RANBP2: variants seen among roughly 807,000 people sequenced by gnomAD.
The protein encoded by RANBP2 is E3 SUMO-protein ligase RanBP2.
In RANBP2, 57 loss-of-function variants were observed where a neutral mutation model predicts 303.6. That is an observed-to-expected ratio of 0.19 (90% CI 0.15 to 0.23). RANBP2 has a LOEUF of 0.23. RANBP2 is among the 10% of genes least tolerant of loss of function. The probability of loss-of-function intolerance (pLI) is 1.00; values close to 1 mark genes in which losing one functional copy is unlikely to be tolerated. For synonymous variants in RANBP2, 1,167 were observed against 1,301.5 expected (o/e 0.90, Z 2.23); for missense variants, 3,138 against 3,780.8 (o/e 0.83, Z 4.46).
chr2:109,448,135 A>G, the RANBP2 span, among the ~76,000 whole-genome samples: 8 of 152,198 alleles, frequency 5.3e-5, no homozygotes, highest in Non-Finnish European at 5.9e-5. Flanking sequence ...TTCGGGATCA[A>G]GAGTAACTAG....
At chr2:109,039,243 G>C in the RANBP2 span, among the ~76,000 whole-genome samples, 1 of 152,206 alleles carries the variant, frequency 6.6e-6, no homozygotes, top group Non-Finnish European at 1.5e-5. Flanking sequence ...GTGGATTTCA[G>C]ACTTGTCAGT....
chr2:108,742,328 G>C (rs553318978), intron 7 of RANBP2, among the ~76,000 whole-genome samples: 61 of 151,648 alleles, frequency 4.0e-4, no homozygotes, highest in Non-Finnish European at 8.1e-4. Flanking sequence ...TATTTGAGAC[G>C]GAGTCTCGCT....
chr2:108,981,946 T>C, the RANBP2 span, among the ~76,000 whole-genome samples: 1 of 152,240 alleles, frequency 6.6e-6, no homozygotes, highest in Non-Finnish European at 1.5e-5. Context: ...ATTTATTGAA[T>C]ACCTACTGTG....
the RANBP2 span, among the ~76,000 whole-genome samples, chr2:108,937,484 A>C: frequency 1.2e-4 from 18 of 151,894 alleles, no homozygotes; most frequent in African/African-American, 3.9e-4. Flanking sequence ...TGTGTGCATA[A>C]GAGTATGTGT....
chr2:108,869,832 A>G, the RANBP2 span, among the ~76,000 whole-genome samples: 72 of 152,296 alleles, frequency 4.7e-4, no homozygotes, highest in Non-Finnish European at 7.8e-4. Context: ...TCAGTCTTCA[A>G]AGACTGGGAG....
intron 9 of RANBP2, among the ~76,000 whole-genome samples, chr2:108,749,552 C>T (rs1386236765): frequency 6.6e-6 from 1 of 151,940 alleles, no homozygotes; most frequent in Non-Finnish European, 1.5e-5. Context: ...CCTGCCTTGG[C>T]CTCCCAAAGT....
chr2:109,340,284 G>T, the RANBP2 span, among the ~76,000 whole-genome samples: 2 of 152,270 alleles, frequency 1.3e-5, no homozygotes, highest in East Asian at 1.9e-4. Flanking sequence ...AAGCTCACAG[G>T]GTTGCTGTAA....
chr2:109,700,475 C>T, the RANBP2 span, among the ~76,000 whole-genome samples: 1 of 151,986 alleles, frequency 6.6e-6, no homozygotes, highest in African/African-American at 2.4e-5. Context: ...TGGAAGGAAG[C>T]GGGGAGGGCG....
the RANBP2 span, among the ~76,000 whole-genome samples, chr2:109,521,931 C>A: frequency 2.0e-4 from 31 of 152,196 alleles, no homozygotes; most frequent in African/African-American, 7.2e-4. Context: ...GGAGGGGTCG[C>A]AGCTGCCGCC....
At chr2:109,707,384 C>T in the RANBP2 span, among the ~76,000 whole-genome samples, 2 of 152,214 alleles carry the variant, frequency 1.3e-5, no homozygotes, top group Non-Finnish European at 2.9e-5. Context: ...GCTTCCCCAA[C>T]TCATCCTCAA....
chr2:109,492,120 T>C, the RANBP2 span, among the ~76,000 whole-genome samples: 2 of 152,194 alleles, frequency 1.3e-5, no homozygotes, highest in Admixed American at 1.3e-4. Flanking sequence ...GGCCACACAC[T>C]GTATGTAGAT....
At chr2:109,436,297 G>C in the RANBP2 span, among the ~76,000 whole-genome samples, 1 of 152,202 alleles carries the variant, frequency 6.6e-6, no homozygotes, top group African/African-American at 2.4e-5. Context: ...GAGGGAAAGC[G>C]TGAAAAGCCC....
chr2:108,733,473 G>A (rs190301984), intron 4 of RANBP2, among the ~76,000 whole-genome samples: 1 of 151,950 alleles, frequency 6.6e-6, no homozygotes, highest in East Asian at 1.9e-4. Flanking sequence ...TTATTTCTAG[G>A]TTTTGGCTAT....
the RANBP2 span, among the ~76,000 whole-genome samples, chr2:108,877,408 G>A: frequency 1.3e-5 from 2 of 152,156 alleles, no homozygotes; most frequent in African/African-American, 4.8e-5. Context: ...AGAGGTTCCA[G>A]TGAGCCAAGA....
chr2:109,307,986 G>A, the RANBP2 span, among the ~76,000 whole-genome samples: 1 of 141,376 alleles, frequency 7.1e-6, no homozygotes, highest in South Asian at 2.3e-4. Flanking sequence ...CTAGATCCCT[G>A]AGGAATCGCC....
the RANBP2 span, among the ~76,000 whole-genome samples, chr2:109,498,146 C>T: frequency 3.8e-3 from 580 of 152,326 alleles, 4 homozygotes; most frequent in African/African-American, 0.013. Flanking sequence ...CCTCCGCCTG[C>T]CCTCCTTCCT....
At chr2:109,078,417 TATC>T in the RANBP2 span, among the ~76,000 whole-genome samples, 3 of 146,940 alleles carry the variant, frequency 2.0e-5, no homozygotes, top group East Asian at 5.9e-4. Context: ...AAAAAGCAAA[TATC>T]ATATGATCTC....
the RANBP2 span, among the ~76,000 whole-genome samples, chr2:108,893,947 C>A: frequency 7.9e-5 from 12 of 152,058 alleles, no homozygotes; most frequent in Non-Finnish European, 1.5e-4. Flanking sequence ...TGCCCTATTC[C>A]CCAATACATA....
At chr2:108,974,893 G>C in the RANBP2 span, among the ~76,000 whole-genome samples, 3 of 152,202 alleles carry the variant, frequency 2.0e-5, no homozygotes, top group African/African-American at 7.2e-5. Context: ...CTTGCAGTCT[G>C]CATGCTGGAG....
Sources: gnomAD v4.1 joint callset for allele counts (sites outside exome capture counted in the v4.1 genomes callset) on GRCh38, gnomAD v4.1.1 for gene constraint, MANE v1.5 for transcripts, NCBI Gene and HGNC (gene_info 2026-07-23, HGNC 2026-07-21) for gene names.